The following COQ8A variants were observed in gnomAD, a reference collection of about 807,000 sequenced individuals.
The protein encoded by COQ8A is atypical kinase COQ8A, mitochondrial.
In COQ8A, 51 loss-of-function variants were observed where a neutral mutation model predicts 65.0. The ratio of observed to expected loss-of-function variants is 0.78; its 90% CI spans 0.63 to 0.99. The LOEUF is 0.99. COQ8A is among the 50% of genes least tolerant of loss of function. The probability of loss-of-function intolerance (pLI) is 0.00; values close to 1 mark genes in which losing one functional copy is unlikely to be tolerated. For missense variants in COQ8A, 940 were observed against 875.0 expected, an observed-to-expected ratio of 1.07 and a Z score of -0.94; for synonymous variants, 371 against 353.2, an observed-to-expected ratio of 1.05 and a Z score of -0.57.
intron 1 of COQ8A, among the ~76,000 whole-genome samples, chr1:226,959,507 G>A (rs1658015049): frequency 6.6e-6 from 1 of 152,302 alleles, no homozygotes; most frequent in Non-Finnish European, 1.5e-5. Flanking sequence ...CCCCTAAACA[G>A]TAGGTCAGCG....
intron 5 of COQ8A, among the ~76,000 whole-genome samples, chr1:226,979,236 GGA>G (rs1423966954): frequency 6.6e-6 from 1 of 152,236 alleles, no homozygotes; most frequent in East Asian, 1.9e-4. Context: ...GGCCCTCTGT[GGA>G]GAGGTCCTGC....
At chr1:226,945,282 G>A (rs1158310703) in intron 1 of COQ8A, among the ~76,000 whole-genome samples, 24 of 152,188 alleles carry the variant, frequency 1.6e-4, no homozygotes, top group Admixed American at 1.4e-3. Flanking sequence ...GGTCCTCCCC[G>A]TCGGCCCTCA....
At chr1:226,983,987 C>T (rs1358606828) in intron 10 of COQ8A, 107 bp from the exon 11 acceptor site, 1 of 1,567,548 alleles carries the variant, frequency 6.4e-7, no homozygotes, top group Non-Finnish European at 8.7e-7. Context: ...GAGGCCATAT[C>T]CTGCCTGGGG....
chr1:226,967,398 T>A (rs533132492), intron 4 of COQ8A, among the ~76,000 whole-genome samples: 1 of 152,336 alleles, frequency 6.6e-6, no homozygotes, highest in African/African-American at 2.4e-5. Flanking sequence ...AGGCTGAGTT[T>A]GACGTGTTTC....
At position 226,968,869 on chromosome 1, in the gene COQ8A, A is replaced by G. The variant is rs1056600857; in HGVS notation, c.655+3132A>G. On this transcript the variant is annotated intron_variant, in intron 4 of 14. Coordinates refer to ENST00000366777, the MANE Select transcript of COQ8A (RefSeq NM_020247.5). ...ATGCTATGGGCAGGATGATCTGTGG[A>G]TATTAGATTTTCTTAAAGAGTGGTG... Among the ~76,000 whole-genome samples the G allele has an allele frequency of 4.6e-5, 7 of 152,104 alleles. 1 individual carries two copies. Among genetic ancestry groups the G allele is most frequent in the Admixed American group, 3.9e-4 (6 of 15,272 alleles).
chr1:226,971,956 G>A (rs1572057265), intron 4 of COQ8A, among the ~76,000 whole-genome samples: 1 of 151,866 alleles, frequency 6.6e-6, no homozygotes, highest in Non-Finnish European at 1.5e-5. Context: ...TCTCTTTCTG[G>A]GACTCCAATT....
intron 1 of COQ8A, 166 bp downstream of exon 1, chr1:226,940,565 G>T (rs1320289191): frequency 6.6e-6 from 1 of 152,460 alleles, no homozygotes; most frequent in Non-Finnish European, 1.5e-5. Context: ...CGCAGTGGGG[G>T]CGCCTCAGTT....
intron 5 of COQ8A, among the ~76,000 whole-genome samples, chr1:226,981,044 C>T (rs1027681603): frequency 3.3e-5 from 5 of 152,240 alleles, no homozygotes; most frequent in Non-Finnish European, 7.3e-5. Context: ...AGCCGCACTG[C>T]GACCTCTTGG....
chr1:226,952,391 A>C (rs978221800), intron 1 of COQ8A, among the ~76,000 whole-genome samples: 2 of 151,278 alleles, frequency 1.3e-5, no homozygotes, highest in Non-Finnish European at 2.9e-5. Context: ...AAGATATTTA[A>C]GATTATTTTT....
At chr1:226,956,925 C>T (rs1657814794) in intron 1 of COQ8A, among the ~76,000 whole-genome samples, 1 of 119,184 alleles carries the variant, frequency 8.4e-6, no homozygotes, top group African/African-American at 3.3e-5. Flanking sequence ...CCCTGGTTCA[C>T]ACTCTCCCTG....
chr1:226,978,277 C>A (rs1452093941), intron 5 of COQ8A, among the ~76,000 whole-genome samples: 1 of 109,334 alleles, frequency 9.1e-6, no homozygotes, highest in African/African-American at 2.8e-5. Context: ...CACTGAACAC[C>A]CGCACACCTC....
chr1:226,952,253 A>G (rs1367112886), intron 1 of COQ8A, among the ~76,000 whole-genome samples: 1 of 152,166 alleles, frequency 6.6e-6, no homozygotes, highest in Admixed American at 6.6e-5. Flanking sequence ...GACAGTGGCT[A>G]AACAAGGAGA....
Position 226,984,940 on chromosome 1 carries a change from A to G in COQ8A, c.1571A>G (p.Gln524Arg), listed in dbSNP as rs768334827. The G allele has an allele frequency of 5.0e-6, 8 of 1,614,118 alleles. No homozygotes were observed. Among genetic ancestry groups the G allele is most frequent in the African/African-American group, 1.3e-5 (1 of 75,026 alleles). Residue 524 changes from glutamine (Q) to arginine (R), a missense_variant and splice_region_variant, in exon 13 of 15, where the codon CAG (glutamine) becomes CGG (arginine). Coordinates refer to ENST00000366777, the MANE Select transcript of COQ8A (RefSeq NM_020247.5). ...YDRSFTDLYI[Q>R]IIRAAADRDR... The stretch of plus-strand genomic sequence containing the variant: ...AGATCCTTCACCGACCTCTACATTC[A>G]GGTAACTGGAGAGGGGCCCTGGCCT...
At chr1:226,966,714 T>C (rs1658587737) in intron 4 of COQ8A, among the ~76,000 whole-genome samples, 1 of 152,102 alleles carries the variant, frequency 6.6e-6, no homozygotes, top group African/African-American at 2.4e-5. Flanking sequence ...TTTATGTTTT[T>C]CCTCCCATAC....
chr1:226,983,490 C>T, intron 8 of COQ8A, 62 bp from the exon 9 acceptor site: 6 of 1,497,888 alleles, frequency 4.0e-6, no homozygotes, highest in South Asian at 1.1e-5. Context: ...TGGGGGAGTG[C>T]CCCAGGCAGG....
At chr1:226,956,212 T>C in intron 1 of COQ8A, among the ~76,000 whole-genome samples, 1 of 111,470 alleles carries the variant, frequency 9.0e-6, no homozygotes, top group Admixed American at 8.3e-5. Context: ...GCTGCCACTC[T>C]CCCTGGCTGC....
intron 1 of COQ8A, among the ~76,000 whole-genome samples, chr1:226,945,468 T>A (rs1188441042): frequency 1.3e-5 from 2 of 152,214 alleles, no homozygotes; most frequent in Non-Finnish European, 2.9e-5. Flanking sequence ...ATTTTTTGTT[T>A]GGCACTGATA....
At chr1:226,957,744 T>A (rs552391770) in intron 1 of COQ8A, among the ~76,000 whole-genome samples, 1 of 152,308 alleles carries the variant, frequency 6.6e-6, no homozygotes, top group East Asian at 1.9e-4. Context: ...TATTGATATA[T>A]CTTCTTGTAT....
chr1:226,959,397 GC>G (rs1658007740), intron 1 of COQ8A, among the ~76,000 whole-genome samples: 1 of 151,850 alleles, frequency 6.6e-6, no homozygotes, highest in Non-Finnish European at 1.5e-5. Flanking sequence ...TCCAGCCCGG[GC>G]AACATAGTGA....
Sources: gnomAD v4.1 joint callset for allele counts (sites outside exome capture counted in the v4.1 genomes callset) on GRCh38, gnomAD v4.1.1 for gene constraint, MANE v1.5 for transcripts, NCBI Gene and HGNC (gene_info 2026-07-23, HGNC 2026-07-21) for gene names.